ZNF385D: variants seen among roughly 807,000 people sequenced by gnomAD.
ZNF385D encodes zinc finger protein 659.
ZNF385D carries 15 observed loss-of-function variants against 35.8 expected under a neutral mutation model. The observed-to-expected ratio is 0.42, with a 90% CI of 0.28 to 0.64. ZNF385D has a LOEUF of 0.64. Among genes scored for constraint, ZNF385D ranks in the 30% least tolerant of loss-of-function variants. The pLI is 0.23. For synonymous variants in ZNF385D, 212 were observed against 186.8 expected (o/e 1.13, Z -1.10); for missense variants, 474 against 494.6 (o/e 0.96, Z 0.39).
chr3:21,999,288 G>C (rs1340370654), intron 3 of ZNF385D, among the ~76,000 whole-genome samples: 5 of 151,926 alleles, frequency 3.3e-5, no homozygotes, highest in Non-Finnish European at 7.4e-5. Flanking sequence ...TGTCTTAACT[G>C]TTGCACCTAT....
intron 3 of ZNF385D, among the ~76,000 whole-genome samples, chr3:21,926,168 G>A (rs939274205): frequency 3.3e-5 from 5 of 151,870 alleles, no homozygotes; most frequent in African/African-American, 1.2e-4. Context: ...AAGTTCTGGA[G>A]TACATGTGCA....
intron 3 of ZNF385D, among the ~76,000 whole-genome samples, chr3:21,807,922 G>A (rs1219011546): frequency 6.6e-6 from 1 of 152,028 alleles, no homozygotes; most frequent in Non-Finnish European, 1.5e-5. Context: ...ATTTATAGAA[G>A]GAAATTGTTT....
At chr3:22,167,980 C>A (rs1253650691) in intron 3 of ZNF385D, among the ~76,000 whole-genome samples, 1 of 152,160 alleles carries the variant, frequency 6.6e-6, no homozygotes, top group Non-Finnish European at 1.5e-5. Context: ...TTCTTCTCAT[C>A]ATTTGGCCAC....
intron 3 of ZNF385D, among the ~76,000 whole-genome samples, chr3:21,541,159 A>G (rs1390406807): frequency 6.6e-6 from 1 of 152,202 alleles, no homozygotes; most frequent in Non-Finnish European, 1.5e-5. Context: ...TAGCAACGTA[A>G]TCCAAATGCA....
At chr3:21,466,546 C>G (rs1703529895) in intron 4 of ZNF385D, among the ~76,000 whole-genome samples, 1 of 152,142 alleles carries the variant, frequency 6.6e-6, no homozygotes, top group East Asian at 1.9e-4. Context: ...ATCCCTCTGA[C>G]CACACAACAT....
intron 2 of ZNF385D, among the ~76,000 whole-genome samples, chr3:22,283,235 G>C (rs1420701465): frequency 6.6e-6 from 1 of 152,012 alleles, no homozygotes; most frequent in East Asian, 1.9e-4. Flanking sequence ...ATAGTAGTGG[G>C]GGACTTCAGT....
chr3:22,326,140 C>G (rs1001700009), intron 2 of ZNF385D, among the ~76,000 whole-genome samples: 2 of 152,154 alleles, frequency 1.3e-5, no homozygotes, highest in African/African-American at 2.4e-5. Flanking sequence ...TGAATTTGCA[C>G]TGGAGTCTGT....
chr3:22,332,127 C>A (rs905687883), intron 2 of ZNF385D, among the ~76,000 whole-genome samples: 1 of 152,138 alleles, frequency 6.6e-6, no homozygotes, highest in African/African-American at 2.4e-5. Context: ...CTACTTCTAT[C>A]CATTATTAAG....
chr3:21,518,065 A>G (rs1222194263), intron 3 of ZNF385D, among the ~76,000 whole-genome samples: 5 of 152,206 alleles, frequency 3.3e-5, no homozygotes, highest in Admixed American at 2.0e-4. Context: ...TTTAAAAACT[A>G]TTCATCTTAA....
intron 2 of ZNF385D, among the ~76,000 whole-genome samples, chr3:21,585,671 A>C (rs1305484031): frequency 1.3e-5 from 2 of 152,210 alleles, no homozygotes; most frequent in African/African-American, 2.4e-5. Context: ...CAGTCTACTA[A>C]GCCAAATTTC....
chr3:22,013,324 T>C (rs1467847800), intron 3 of ZNF385D, among the ~76,000 whole-genome samples: 4 of 152,196 alleles, frequency 2.6e-5, no homozygotes, highest in Non-Finnish European at 4.4e-5. Context: ...CATTTGCTAA[T>C]GAAGTTAGAT....
At chr3:22,034,891 C>G (rs936187406) in intron 3 of ZNF385D, among the ~76,000 whole-genome samples, 1 of 151,874 alleles carries the variant, frequency 6.6e-6, no homozygotes, top group Non-Finnish European at 1.5e-5. Flanking sequence ...AAAGTCAGCC[C>G]GGAGATATGT....
chr3:21,911,971 T>C (rs1178568643), intron 3 of ZNF385D, among the ~76,000 whole-genome samples: 1 of 151,936 alleles, frequency 6.6e-6, no homozygotes, highest in Non-Finnish European at 1.5e-5. Context: ...ACCTTAAAAA[T>C]GAAATTAATG....
intron 3 of ZNF385D, among the ~76,000 whole-genome samples, chr3:22,075,932 A>C (rs978000034): frequency 2.0e-5 from 3 of 151,906 alleles, no homozygotes; most frequent in African/African-American, 7.2e-5. Flanking sequence ...TCAATCTCCG[A>C]ATGTGGTGAG....
intron 2 of ZNF385D, among the ~76,000 whole-genome samples, chr3:22,293,973 G>T (rs904414319): frequency 6.6e-6 from 1 of 151,290 alleles, no homozygotes; most frequent in African/African-American, 2.4e-5. Flanking sequence ...TGGGATCAAT[G>T]AATTTTCTTC....
intron 3 of ZNF385D, among the ~76,000 whole-genome samples, chr3:22,022,770 C>T (rs1050033585): frequency 4.6e-5 from 7 of 152,060 alleles, no homozygotes; most frequent in African/African-American, 1.2e-4. Context: ...GAACATATAA[C>T]ATTTAAAAAT....
At chr3:21,689,698 C>T (rs185423473) in intron 1 of ZNF385D, among the ~76,000 whole-genome samples, 31 of 152,166 alleles carry the variant, frequency 2.0e-4, no homozygotes, top group Non-Finnish European at 3.4e-4. Flanking sequence ...AGCAGTGATT[C>T]TCAGACATCA....
At chr3:21,790,727 C>A (rs368950112) in intron 3 of ZNF385D, among the ~76,000 whole-genome samples, 1 of 152,156 alleles carries the variant, frequency 6.6e-6, no homozygotes, top group Non-Finnish European at 1.5e-5. Flanking sequence ...TAAACCTTGG[C>A]AGACTAGGTC....
chr3:22,184,266 T>A (rs1245858656), intron 2 of ZNF385D, among the ~76,000 whole-genome samples: 2 of 151,732 alleles, frequency 1.3e-5, no homozygotes, highest in African/African-American at 4.9e-5. Flanking sequence ...GGAAAAGTGA[T>A]ATTTCACACT....
Sources: allele counts gnomAD v4.1 joint callset (sites outside exome capture counted in the v4.1 genomes callset), GRCh38; gene constraint gnomAD v4.1.1; transcripts MANE v1.5; gene names NCBI Gene and HGNC (gene_info 2026-07-23, HGNC 2026-07-21).